The following USP30 variants were observed in gnomAD, a reference collection of about 807,000 sequenced individuals.
USP30 encodes the protein ubiquitin carboxyl-terminal hydrolase 30.
A neutral mutation model predicts 68.2 loss-of-function variants in USP30; 41 were observed. That is an observed-to-expected ratio of 0.60 (90% CI 0.47 to 0.78). The LOEUF is 0.78. Ranked by LOEUF, USP30 falls within the 30% of genes least tolerant of loss-of-function variation. The pLI, the probability that USP30 is intolerant of heterozygous loss-of-function variation, is 0.00. For synonymous variants in USP30, 229 were observed against 253.7 expected (o/e 0.90, Z 0.93); for missense variants, 522 against 649.4 (o/e 0.80, Z 2.13).
chr12:109,050,989 CA>C (rs528107876), upstream of USP30, among the ~76,000 whole-genome samples: 12 of 147,154 alleles, frequency 8.2e-5, no homozygotes, highest in South Asian at 2.2e-4. Context: ...GACTCCATCT[CA>C]AAAAAAAAAG....
chr12:109,029,686 G>A (rs2040467778), intron 3 of USP30, among the ~76,000 whole-genome samples: 1 of 152,178 alleles, frequency 6.6e-6, no homozygotes, highest in Admixed American at 6.5e-5. Flanking sequence ...GAAGAGAAGT[G>A]ATTTCCTTGA....
intron 9 of USP30, 71 bp from the exon 10 acceptor site, chr12:109,082,592 C>T: frequency 6.8e-7 from 1 of 1,477,684 alleles, no homozygotes; most frequent in Non-Finnish European, 9.3e-7. Flanking sequence ...TATAACACCA[C>T]TGTGGTCTGC....
At chr12:109,065,439 A>G (rs1215126286) in intron 3 of USP30, among the ~76,000 whole-genome samples, 1 of 152,252 alleles carries the variant, frequency 6.6e-6, no homozygotes, top group Non-Finnish European at 1.5e-5. Flanking sequence ...TCCAGCTAAA[A>G]GGGTTTATTG....
chr12:109,079,339 C>CTTTTTTTTTTCTTTTTTTTTTTTT (rs2041713719), intron 7 of USP30, among the ~76,000 whole-genome samples: 7 of 62,250 alleles, frequency 1.1e-4, no homozygotes, highest in African/African-American at 1.4e-4. Flanking sequence ...TTTTCTTTTT[C>CTTTTTTTTTTCTTTTTTTTTTTTT]TTTTTTTTTT....
chr12:109,044,687 T>C (rs138781756), intron 3 of USP30, among the ~76,000 whole-genome samples: 4 of 152,220 alleles, frequency 2.6e-5, no homozygotes, highest in African/African-American at 9.6e-5. Flanking sequence ...TTTTATGTTA[T>C]ATGTACTTTG....
chr12:109,085,965 C>CT lies in USP30; in HGVS notation c.*35dup, dbSNP rs1491127896. ...TCCTGCAAGGCTAGAGCTGATGGCA[C>CT]TGTCTGCACTGTCCAGGAAAAAAGT... On this transcript the variant is annotated 3_prime_UTR_variant, in exon 13 of 13. Transcript: ENST00000257548. 2 of 1,596,026 alleles carry CT rather than the reference C, an allele frequency of 1.3e-6. No individual in the cohort carries two copies. Among genetic ancestry groups the CT allele is most frequent in the Non-Finnish European group, 1.7e-6 (2 of 1,169,514 alleles).
At chr12:109,055,369 C>CATATATATACATATATATATATATAT (rs2040813561) in intron 1 of USP30, among the ~76,000 whole-genome samples, 1 of 68,794 alleles carries the variant, frequency 1.5e-5, no homozygotes, top group African/African-American at 5.1e-5. Context: ...TACACACACA[C>CATATATATACATATATATATATATAT]ATATATATAC....
intron 3 of USP30, among the ~76,000 whole-genome samples, chr12:109,043,631 T>A (rs1387737547): frequency 6.6e-6 from 1 of 152,008 alleles, no homozygotes; most frequent in Non-Finnish European, 1.5e-5. Flanking sequence ...TCTTGGAAAA[T>A]AATATAGGGC....
In USP30 at chr12:109,031,941, A is replaced by AT. The variant is rs201680743; in HGVS notation, c.-136+4394dup. 4.3e-3 allele frequency among the ~76,000 whole-genome samples: 650 copies of AT among 150,968 alleles called. 3 individuals carry two copies. The highest frequency in any genetic ancestry group is 0.015 in the African/African-American group (614 of 41,130). ...CAACATAGCAAGACCTCATCGCTAC[A>AT]TTTTTTTTTAATTAGTCAGGTGTCA... is the stretch of plus-strand genomic sequence containing the variant. On this transcript the variant is annotated intron_variant, in intron 3 of 15. Transcript: ENST00000392784.
At chr12:109,039,295 G>A (rs2040545504) in intron 3 of USP30, among the ~76,000 whole-genome samples, 1 of 152,074 alleles carries the variant, frequency 6.6e-6, no homozygotes, top group Non-Finnish European at 1.5e-5. Flanking sequence ...TTTTACAATA[G>A]TGTACCTTCT....
In USP30 at chr12:109,086,018, GC is replaced by G; in HGVS notation, c.*91del. On this transcript the variant is annotated 3_prime_UTR_variant, in exon 13 of 13. Transcript: ENST00000257548. ...AACTGTACTGTTGCGTGTGCAAGCG[GC>G]CCCACTAGAGCCTTCCAGCCTTCTG... 1 of 1,487,646 alleles carries G rather than the reference GC, an allele frequency of 6.7e-7. No individual in the cohort carries two copies. 92.2% of individuals were successfully genotyped at this position (1,487,646 alleles called of 1,614,324 possible). A position where few individuals can be genotyped will look rare whatever the true frequency, so the allele number is the denominator to read the frequency against.
At chr12:109,057,818 C>T (rs927990848) in intron 2 of USP30, 108 bp from the exon 3 acceptor site, 33 of 1,225,770 alleles carry the variant, frequency 2.7e-5, no homozygotes, top group Non-Finnish European at 3.7e-5. Flanking sequence ...CTTCTTGGAT[C>T]GGGATTCCAA....
chr12:109,081,480 C>G (rs1399695222), intron 8 of USP30, 87 bp downstream of exon 8: 3 of 1,359,046 alleles, frequency 2.2e-6, no homozygotes, highest in African/African-American at 1.4e-5. Context: ...GTGGCTCAGG[C>G]ACTATGTGTA....
In USP30 at chr12:109,086,576, T is replaced by G. The variant is rs1463152658; in HGVS notation, c.*645T>G. 1 of 152,456 alleles carries G rather than the reference T, an allele frequency of 6.6e-6. No homozygotes were observed. Among genetic ancestry groups the G allele is most frequent in the African/African-American group, 2.4e-5 (1 of 41,474 alleles). The allele number at this position is 152,456 out of a possible 1,614,324, so 9.4% of individuals were successfully genotyped here. A position where few individuals can be genotyped will look rare whatever the true frequency, so the allele number is the denominator to read the frequency against. On this transcript the variant is annotated 3_prime_UTR_variant, in exon 13 of 13. Coordinates refer to ENST00000257548, the MANE Select transcript of USP30 (RefSeq NM_032663.5). ...CAAATCTGCCCCCTGGGGAAACTCTTTCACTACTTTGTCAGTTATAAGTGA... is the reference window on the plus strand; with the variant it reads ...CAAATCTGCCCCCTGGGGAAACTCTGTCACTACTTTGTCAGTTATAAGTGA...
At chr12:109,079,127 A>G in intron 7 of USP30, among the ~76,000 whole-genome samples, 1 of 151,750 alleles carries the variant, frequency 6.6e-6, no homozygotes, top group East Asian at 1.9e-4. Flanking sequence ...ACTTTTTTTA[A>G]CCAAGTTTGA....
At chr12:109,043,383 TAAG>T (rs1346652799) in intron 3 of USP30, among the ~76,000 whole-genome samples, 2 of 152,178 alleles carry the variant, frequency 1.3e-5, no homozygotes, top group Non-Finnish European at 2.9e-5. Context: ...GATACTGGCA[TAAG>T]ATAGGCATAT....
At chr12:109,066,358 C>A (rs138775923) in intron 3 of USP30, among the ~76,000 whole-genome samples, 2 of 150,572 alleles carry the variant, frequency 1.3e-5, no homozygotes, top group Non-Finnish European at 3.0e-5. Flanking sequence ...GCCCATCAAA[C>A]TTTTATTAGG....
At chr12:109,055,824 A>G (rs866114577) in intron 1 of USP30, among the ~76,000 whole-genome samples, 2 of 151,658 alleles carry the variant, frequency 1.3e-5, no homozygotes. Context: ...TTAAAAAAAA[A>G]AAAAAGAAAA....
intron 12 of USP30, 72 bp from the exon 13 acceptor site, chr12:109,085,595 A>G: frequency 6.4e-7 from 1 of 1,556,908 alleles, no homozygotes; most frequent in Non-Finnish European, 8.7e-7. Flanking sequence ...TAACATTAGC[A>G]TTCTTTTGTT....
Sources: allele counts gnomAD v4.1 joint callset (sites outside exome capture counted in the v4.1 genomes callset), GRCh38; gene constraint gnomAD v4.1.1; transcripts MANE v1.5; gene names NCBI Gene and HGNC (gene_info 2026-07-23, HGNC 2026-07-21).